Variants in CLEC16A observed in about 807,000 individuals in gnomAD.
The protein encoded by CLEC16A is protein CLEC16A.
In CLEC16A, 51 loss-of-function variants were observed where a neutral mutation model predicts 109.5. The ratio of observed to expected loss-of-function variants is 0.47; its 90% CI spans 0.37 to 0.59. The LOEUF (loss-of-function observed/expected upper bound fraction) is 0.59. CLEC16A is among the 20% of genes least tolerant of loss of function. CLEC16A has a pLI of 0.00. For synonymous variants in CLEC16A, 673 were observed against 564.2 expected, an observed-to-expected ratio of 1.19 and a Z score of -2.73; for missense variants, 1,339 against 1,394.0, an observed-to-expected ratio of 0.96 and a Z score of 0.63.
At chr16:11,149,213 C>G (rs763081402) in intron 22 of CLEC16A, among the ~76,000 whole-genome samples, 1 of 152,084 alleles carries the variant, frequency 6.6e-6, no homozygotes, top group African/African-American at 2.4e-5. Context: ...GACTTGACCC[C>G]ATGGGGTCAC....
At chr16:10,978,825 C>T (rs2043159997) in intron 8 of CLEC16A, among the ~76,000 whole-genome samples, 2 of 152,198 alleles carry the variant, frequency 1.3e-5, no homozygotes, top group Admixed American at 6.5e-5. Flanking sequence ...TTAACCTGAG[C>T]CCGTTTCTTC....
chr16:11,033,902 A>T (rs1457545687), intron 13 of CLEC16A, among the ~76,000 whole-genome samples: 1 of 152,176 alleles, frequency 6.6e-6, no homozygotes, highest in Admixed American at 6.5e-5. Flanking sequence ...TCGCTCTTCT[A>T]TCAAGTCCGC....
chr16:11,014,465 A>G (rs1285637297), intron 11 of CLEC16A, among the ~76,000 whole-genome samples: 1 of 152,256 alleles, frequency 6.6e-6, no homozygotes. Context: ...AAGACCTACA[A>G]GTGGGCTGCT....
chr16:11,052,601 C>T (rs1452904274), intron 18 of CLEC16A, among the ~76,000 whole-genome samples: 8 of 152,272 alleles, frequency 5.3e-5, no homozygotes, highest in African/African-American at 1.9e-4. Flanking sequence ...CCACCCTGTC[C>T]GGCCCACTGA....
rs746191088 is a variant in CLEC16A, at chr16:10,972,999, T to C, written c.666T>C (p.Asn222=). 1 of 1,611,756 alleles carries C rather than the reference T, an allele frequency of 6.2e-7. No individual in the cohort carries two copies. Among genetic ancestry groups the C allele is most frequent in the South Asian group, 1.1e-5 (1 of 90,602 alleles). The stretch of plus-strand genomic sequence containing the variant: ...AAACTGCTGTTCCTTACTTCTCCAA[T>C]TTGGTCTGGTTCATTGGGAGCCATG... ...RDKTAVPYFS[N]LVWFIGSHVI... is the part of the protein sequence containing the mutation. The change falls in exon 7 of 24, where the codon AAT becomes AAC. Residue 222 remains asparagine (N), a synonymous_variant. Transcript: ENST00000409790.
chr16:11,024,692 G>A (rs2046310893), intron 12 of CLEC16A, 129 bp from the exon 13 acceptor site: 1 of 678,418 alleles, frequency 1.5e-6, no homozygotes, highest in Non-Finnish European at 2.6e-6. Flanking sequence ...GCGTGGTGCT[G>A]GACCAGGCAC....
Position 11,061,324 on chromosome 16 carries a change from A to AT in CLEC16A, c.2116+303dup, listed in dbSNP as rs751783304. On this transcript the variant is annotated intron_variant, in intron 19 of 23. Coordinates refer to ENST00000409790, the MANE Select transcript of CLEC16A (RefSeq NM_015226.3). ...AAACTCCAGGGTTCCTGTCCTCCCT[A>AT]TAAACATAGTGGCATCGGTTTGGTT... is the stretch of plus-strand genomic sequence containing the variant. 1.4e-4 allele frequency among the ~76,000 whole-genome samples: 22 copies of AT among 152,352 alleles called. 1 individual carries two copies. The South Asian group carries it at 4.4e-3, about 30-fold the overall frequency.
intron 22 of CLEC16A, among the ~76,000 whole-genome samples, chr16:11,152,221 G>C (rs2054318621): frequency 6.6e-6 from 1 of 152,210 alleles, no homozygotes; most frequent in South Asian, 2.1e-4. Context: ...GAAGCCTTAG[G>C]CCGGTCATCT....
chr16:10,977,298 C>T lies in CLEC16A; in HGVS notation c.802C>T (p.Leu268=). The change falls in exon 8 of 24, where the codon CTG becomes TTG. Residue 268 remains leucine (L), a synonymous_variant. Transcript: ENST00000409790. ...LDHLHYLNDI[L]IINCEFLNDV... is the part of the protein sequence containing the mutation. ...CCACCTGCACTATCTCAATGACATC[C>T]TGATCATCAACTGTGAGTTCCTCAA... 1.2e-6 allele frequency: 2 copies of T among 1,614,004 alleles called. No homozygotes were observed. Among genetic ancestry groups the T allele is most frequent in the Non-Finnish European group, 1.7e-6 (2 of 1,179,878 alleles).
rs1273738089 is a variant in CLEC16A at position 11,075,400 on chromosome 16, GTGTGTGTGTGTC to G, written c.2116+14390_2116+14401del. Among the ~76,000 whole-genome samples, 22 of 136,274 alleles carry G rather than the reference GTGTGTGTGTGTC, an allele frequency of 1.6e-4. No homozygotes were observed. In the East Asian group the frequency reaches 3.9e-3, roughly 24 times the overall value. 89.4% of individuals were successfully genotyped at this position (136,274 alleles called of 152,430 possible). ...TGTCTGTGTGTGTGTGTGTGTGTGT[GTGTGTGTGTGTC>G]TGTGTGTGTGTGTGTATGTGTGTGT... On this transcript the variant is annotated intron_variant, in intron 19 of 23. Transcript: ENST00000409790.
chr16:11,131,483 C>T (rs1422323589), intron 22 of CLEC16A, among the ~76,000 whole-genome samples: 1 of 152,180 alleles, frequency 6.6e-6, no homozygotes, highest in Non-Finnish European at 1.5e-5. Flanking sequence ...CAGGAGGCCG[C>T]AGGGAACCAG....
intron 19 of CLEC16A, among the ~76,000 whole-genome samples, chr16:11,101,346 C>T (rs896953150): frequency 6.6e-6 from 1 of 152,340 alleles, no homozygotes; most frequent in Non-Finnish European, 1.5e-5. Context: ...ACAGTCCTCA[C>T]TGCCCTCTTC....
chr16:11,094,708 C>T (rs1267774406), intron 19 of CLEC16A, among the ~76,000 whole-genome samples: 1 of 152,270 alleles, frequency 6.6e-6, no homozygotes, highest in African/African-American at 2.4e-5. Flanking sequence ...TATGCCTTCT[C>T]TCATTTCCCT....
intron 9 of CLEC16A, among the ~76,000 whole-genome samples, chr16:10,980,778 A>G (rs762111500): frequency 1.1e-4 from 16 of 152,172 alleles, no homozygotes; most frequent in Non-Finnish European, 2.1e-4. Flanking sequence ...TTCCCCCTGC[A>G]TTTTCATTTA....
At chr16:11,118,302 C>T (rs921887244) in intron 19 of CLEC16A, among the ~76,000 whole-genome samples, 1 of 152,158 alleles carries the variant, frequency 6.6e-6, no homozygotes, top group Non-Finnish European at 1.5e-5. Flanking sequence ...GCAGAGGACT[C>T]CTATGCACAA....
intron 19 of CLEC16A, among the ~76,000 whole-genome samples, chr16:11,094,274 C>A (rs899375319): frequency 1.3e-5 from 2 of 152,182 alleles, no homozygotes; most frequent in Non-Finnish European, 2.9e-5. Flanking sequence ...TGAAGGGTAA[C>A]ATGAGTCAGG....
At position 10,944,587 on chromosome 16, in the gene CLEC16A, G is replaced by A. The variant is rs996893898; in HGVS notation, c.-131G>A. On this transcript the variant is annotated 5_prime_UTR_variant, in exon 1 of 24. Transcript: ENST00000409790. ...TCAGTGCTGGGCTGTGGGCCGGGGA[G>A]GAAGGCGGCTCGCGGTTCCTCCACC... 4.7e-5 allele frequency: 41 copies of A among 869,760 alleles called. No homozygotes were observed. The highest frequency in any genetic ancestry group is 6.4e-4 in the Middle Eastern group (2 of 3,144). 53.9% of individuals were successfully genotyped at this position (869,760 alleles called of 1,614,324 possible). A position where few individuals can be genotyped will look rare whatever the true frequency, so the allele number is the denominator to read the frequency against.
In CLEC16A at chr16:11,158,977, AAGAT is replaced by A. The variant is rs541085347; in HGVS notation, c.2642-7406_2642-7403del. Among the ~76,000 whole-genome samples, 405 of 151,590 alleles carry A rather than the reference AAGAT, an allele frequency of 2.7e-3. 1 individual carries two copies. The Middle Eastern group carries it at 0.042, about 16-fold the overall frequency. On this transcript the variant is annotated intron_variant, in intron 22 of 23. Transcript: ENST00000409790. ...CTCTGGTTGCATACAAACGGCTCAC[AAGAT>A]AGATGGCCTGGCTTCGCTGGCTTGG...
intron 22 of CLEC16A, among the ~76,000 whole-genome samples, chr16:11,141,472 A>G (rs377736017): frequency 6.6e-6 from 1 of 152,206 alleles, no homozygotes; most frequent in South Asian, 2.1e-4. Context: ...CCGCCAGAGC[A>G]CGGGGTGTGG....
Sources: allele counts gnomAD v4.1 joint callset (sites outside exome capture counted in the v4.1 genomes callset), GRCh38; gene constraint gnomAD v4.1.1; transcripts MANE v1.5; gene names NCBI Gene and HGNC (gene_info 2026-07-23, HGNC 2026-07-21).